HACE1: variants seen among roughly 807,000 people sequenced by gnomAD.
The protein encoded by HACE1 is HECT domain and ankyrin repeat containing E3 ubiquitin protein ligase 1.
Under a neutral mutation model 118.4 loss-of-function variants are expected in HACE1, and 73 were observed. The ratio of observed to expected loss-of-function variants is 0.62; its 90% CI spans 0.51 to 0.75. The LOEUF is 0.75. Among genes scored for constraint, HACE1 ranks in the 30% least tolerant of loss-of-function variants. The pLI is 0.00. For missense variants in HACE1, 749 were observed against 1,102.2 expected, an observed-to-expected ratio of 0.68 and a Z score of 4.54; for synonymous variants, 368 against 374.8, an observed-to-expected ratio of 0.98 and a Z score of 0.21.
At chr6:104,805,432 T>C (rs889318026) in intron 7 of HACE1, among the ~76,000 whole-genome samples, 1 of 152,114 alleles carries the variant, frequency 6.6e-6, no homozygotes, top group East Asian at 1.9e-4. Flanking sequence ...CTATTCACAA[T>C]AGCAAAGACT....
intron 5 of HACE1, among the ~76,000 whole-genome samples, chr6:104,840,135 G>A (rs886650484): frequency 2.6e-5 from 4 of 152,174 alleles, no homozygotes; most frequent in African/African-American, 7.2e-5. Flanking sequence ...GGCAAAAAGT[G>A]CAGGGCAACT....
chr6:104,857,956 CAAAA>C (rs34623570), intron 1 of HACE1, among the ~76,000 whole-genome samples: 5 of 101,748 alleles, frequency 4.9e-5, no homozygotes, highest in Admixed American at 1.9e-4. Flanking sequence ...GACTCCGTCT[CAAAA>C]AAAAAAAAAA....
intron 5 of HACE1, 137 bp downstream of exon 5, chr6:104,843,086 G>A (rs897589829): frequency 1.2e-5 from 8 of 682,736 alleles, no homozygotes; most frequent in African/African-American, 3.5e-5. Context: ...ACTCTAGCCT[G>A]AGTGACAGAG....
At position 104,791,438 on chromosome 6, in the gene HACE1, TG is replaced by T. The variant is rs1235739033; in HGVS notation, c.1074+65del. On this transcript the variant is annotated intron_variant, in intron 11 of 23. Transcript: ENST00000262903. ...GTTCATGAGCTTTCTGATTAATGAA[TG>T]CATGCTTTGTCAAATTCATCTCTTT... 2.9e-6 allele frequency: 4 copies of T among 1,366,406 alleles called. No individual in the cohort carries two copies. In the African/African-American group the frequency reaches 4.3e-5, roughly 15 times the overall value. The allele number at this position is 1,366,406 out of a possible 1,614,324, so 84.6% of individuals were successfully genotyped here. A position where few individuals can be genotyped will look rare whatever the true frequency, so the allele number is the denominator to read the frequency against.
intron 19 of HACE1, among the ~76,000 whole-genome samples, chr6:104,759,484 A>T (rs1002319391): frequency 1.3e-5 from 2 of 152,196 alleles, no homozygotes; most frequent in Non-Finnish European, 2.9e-5. Context: ...AGAAATAAAA[A>T]TGTTATCTGA....
intron 14 of HACE1, among the ~76,000 whole-genome samples, chr6:104,778,003 C>G (rs1781386099): frequency 1.3e-5 from 2 of 152,174 alleles, no homozygotes; most frequent in Non-Finnish European, 2.9e-5. Flanking sequence ...AGGTGATCCA[C>G]CCATCTCAGC....
intron 5 of HACE1, among the ~76,000 whole-genome samples, chr6:104,836,930 TATGCTTACCAAAAC>T (rs1212094976): frequency 2.0e-5 from 3 of 152,176 alleles, no homozygotes; most frequent in Admixed American, 2.0e-4. Context: ...GAAACAGTTA[TATGCTTACCAAAAC>T]ATGCACAAAA....
chr6:104,837,018 T>C (rs78582769), intron 5 of HACE1, among the ~76,000 whole-genome samples: 1 of 152,224 alleles, frequency 6.6e-6, no homozygotes, highest in Non-Finnish European at 1.5e-5. Context: ...TGTGGAGATA[T>C]ACTGTGTTTA....
At position 104,777,182 on chromosome 6, in the gene HACE1, T is replaced by C. The variant is rs745862119; in HGVS notation, c.1678+24A>G. 13 of 1,558,254 alleles carry C rather than the reference T, an allele frequency of 8.3e-6. No individual in the cohort carries two copies. The East Asian group carries it at 2.2e-4, about 27-fold the overall frequency. ...AAAAGCACTTTGTGCTTCACACATA[T>C]ATCAGTTTCTTTGTTAAGCATACCT... On this transcript the variant is annotated intron_variant, in intron 15 of 23. Coordinates refer to ENST00000262903, the MANE Select transcript of HACE1 (RefSeq NM_020771.4).
At chr6:104,859,227 T>C (rs1777056219) in intron 1 of HACE1, among the ~76,000 whole-genome samples, 1 of 152,090 alleles carries the variant, frequency 6.6e-6, no homozygotes, top group Admixed American at 6.6e-5. Flanking sequence ...GACCCGCAAT[T>C]ATGATGTTTT....
rs770146581 is a variant in HACE1, at chr6:104,796,696, T to C, written c.775A>G (p.Ile259Val). The change falls in exon 9 of 24, where the codon ATT becomes GTT. Residue 259 changes from isoleucine to valine, a missense_variant. By Grantham distance (29) the Ile-to-Val change is conservative (BLOSUM62 3). This residue lies in a region of HACE1 where 267 missense variants were observed against 312.2 expected (regional missense o/e 0.86). Coordinates refer to ENST00000262903, the MANE Select transcript of HACE1 (RefSeq NM_020771.4). ...IQYHPRLFQT[I>V]IQMTQNEDLR... is the part of the protein sequence containing the mutation. The stretch of plus-strand genomic sequence containing the variant: ...TCTTCATTCTGTGTCATTTGAATAA[T>C]AGTCTGAAAAAGCCTCGGGTGATAT... The C allele has an allele frequency of 1.4e-5, 23 of 1,588,646 alleles. No homozygotes were observed. Among genetic ancestry groups the C allele is most frequent in the South Asian group, 7.7e-5 (7 of 90,476 alleles).
At chr6:104,757,395 G>C (rs1450070943) in intron 19 of HACE1, among the ~76,000 whole-genome samples, 1 of 152,158 alleles carries the variant, frequency 6.6e-6, no homozygotes, top group Admixed American at 6.5e-5. Flanking sequence ...GTGATACCCA[G>C]GCAAATGGGG....
chr6:104,778,340 A>C (rs1009382400), intron 14 of HACE1, among the ~76,000 whole-genome samples: 20 of 152,248 alleles, frequency 1.3e-4, no homozygotes, highest in African/African-American at 4.6e-4. Flanking sequence ...ACTGTTTAAT[A>C]GAGTTAAAGA....
chr6:104,853,738 A>G (rs542641795), intron 1 of HACE1, among the ~76,000 whole-genome samples: 1 of 152,302 alleles, frequency 6.6e-6, no homozygotes, highest in Non-Finnish European at 1.5e-5. Context: ...TATATGCTCA[A>G]TATCATATAG....
chr6:104,796,183 T>C (rs1769603276), intron 9 of HACE1, among the ~76,000 whole-genome samples: 1 of 152,192 alleles, frequency 6.6e-6, no homozygotes, highest in Non-Finnish European at 1.5e-5. Context: ...TGATCTCGGC[T>C]CACTGCAGGC....
chr6:104,728,841 A>G lies in HACE1; in HGVS notation c.*821T>C, dbSNP rs374459499. 8.5e-5 allele frequency: 13 copies of G among 152,494 alleles called. No individual in the cohort carries two copies. The East Asian group carries it at 2.1e-3, about 25-fold the overall frequency. The allele number at this position is 152,494 out of a possible 1,614,324, so 9.4% of individuals were successfully genotyped here. A position where few individuals can be genotyped will look rare whatever the true frequency, so the allele number is the denominator to read the frequency against. ...AAATTTAAGAAGCAAAAAAATTAACATATTTAAATTATAATTTGCACATCA... is the reference window on the plus strand; with the variant it reads ...AAATTTAAGAAGCAAAAAAATTAACGTATTTAAATTATAATTTGCACATCA... On this transcript the variant is annotated 3_prime_UTR_variant, in exon 24 of 24. Coordinates refer to ENST00000262903, the MANE Select transcript of HACE1 (RefSeq NM_020771.4).
At chr6:104,822,893 C>T (rs1028263444) in intron 6 of HACE1, among the ~76,000 whole-genome samples, 4 of 152,022 alleles carry the variant, frequency 2.6e-5, no homozygotes, top group East Asian at 1.9e-4. Context: ...TATACTGCTT[C>T]GTATTTCTAT....
intron 2 of HACE1, 85 bp from the exon 3 acceptor site, chr6:104,851,081 CTGTTTGTT>C (rs779590455): frequency 3.7e-6 from 3 of 808,970 alleles, no homozygotes; most frequent in Admixed American, 1.7e-5. Context: ...TTTAGCTGCT[CTGTTTGTT>C]TGTTTGTTTG....
chr6:104,823,431 C>CAA (rs767639076), intron 6 of HACE1, among the ~76,000 whole-genome samples: 295 of 110,650 alleles, frequency 2.7e-3, no homozygotes, highest in African/African-American at 9.3e-3. Flanking sequence ...GACTCTGTCT[C>CAA]AAAAAAAAAA....
Sources: gnomAD v4.1 joint callset for allele counts (sites outside exome capture counted in the v4.1 genomes callset) on GRCh38, gnomAD v4.1.1 for gene constraint, gnomAD v4.1.1 regional missense constraint, MANE v1.5 for transcripts, NCBI Gene and HGNC (gene_info 2026-07-23, HGNC 2026-07-21) for gene names.